The following LEF1 variants were observed in gnomAD, a reference collection of about 807,000 sequenced individuals.
LEF1 encodes the protein lymphoid enhancer binding factor 1.
LEF1 carries 14 observed loss-of-function variants against 51.2 expected under a neutral mutation model. The observed-to-expected ratio is 0.27, with a 90% CI of 0.18 to 0.43. The LOEUF is 0.43. Ranked by LOEUF, LEF1 falls within the 20% of genes least tolerant of loss-of-function variation. The pLI is 1.00. For missense variants in LEF1, 386 were observed against 512.0 expected, an observed-to-expected ratio of 0.75 and a Z score of 2.37; for synonymous variants, 185 against 183.2, an observed-to-expected ratio of 1.01 and a Z score of -0.08.
chr4:108,126,578 G>A (rs915863692), intron 3 of LEF1, among the ~76,000 whole-genome samples: 2 of 151,856 alleles, frequency 1.3e-5, no homozygotes, highest in African/African-American at 4.8e-5. Context: ...CAAGGAGGGC[G>A]AATCACTTGA....
intron 11 of LEF1, among the ~76,000 whole-genome samples, chr4:108,061,884 C>A (rs1737716993): frequency 6.6e-6 from 1 of 152,166 alleles, no homozygotes; most frequent in African/African-American, 2.4e-5. Context: ...AAGCTTGCCA[C>A]TCAGTATTAG....
intron 4 of LEF1, among the ~76,000 whole-genome samples, chr4:108,083,950 A>G (rs1009379519): frequency 6.6e-6 from 1 of 152,222 alleles, no homozygotes; most frequent in Non-Finnish European, 1.5e-5. Flanking sequence ...ATTAGGAATC[A>G]TCTTCAGCCC....
chr4:108,116,906 A>C (rs911737316), intron 3 of LEF1, among the ~76,000 whole-genome samples: 3 of 152,354 alleles, frequency 2.0e-5, no homozygotes, highest in Admixed American at 6.5e-5. Flanking sequence ...GCACTGTGTA[A>C]GTGCCCACAA....
chr4:108,138,034 CTCA>C (rs1743408473), intron 3 of LEF1, among the ~76,000 whole-genome samples: 5 of 152,144 alleles, frequency 3.3e-5, no homozygotes. Flanking sequence ...ATAATTTTCT[CTCA>C]TGATTATGCA....
rs1271796658 is a variant in LEF1, at chr4:108,078,103, A to G, written c.1008+117T>C. ...AAAATTCTTTAAAATGCATCATATCATATCTTGAAGTGCAAACACATTCTA... is the reference window on the plus strand; with the variant it reads ...AAAATTCTTTAAAATGCATCATATCGTATCTTGAAGTGCAAACACATTCTA... On this transcript the variant is annotated intron_variant, in intron 8 of 11. Transcript: ENST00000265165. 1.9e-5 allele frequency: 17 copies of G among 910,882 alleles called. No individual in the cohort carries two copies. The East Asian group carries it at 2.4e-4, about 13-fold the overall frequency. The allele number at this position is 910,882 out of a possible 1,614,324, so 56.4% of individuals were successfully genotyped here.
intron 11 of LEF1, among the ~76,000 whole-genome samples, chr4:108,057,140 A>C (rs971780589): frequency 6.6e-6 from 1 of 152,018 alleles, no homozygotes; most frequent in Non-Finnish European, 1.5e-5. Flanking sequence ...CTTGTTTGGT[A>C]ACAATTCTAG....
intron 3 of LEF1, among the ~76,000 whole-genome samples, chr4:108,113,373 C>T (rs992968543): frequency 6.6e-6 from 1 of 151,942 alleles, no homozygotes; most frequent in Non-Finnish European, 1.5e-5. Context: ...AGCTGTGTTA[C>T]AGGGGAGAAG....
intron 3 of LEF1, among the ~76,000 whole-genome samples, chr4:108,151,947 C>T (rs1744381378): frequency 6.6e-6 from 1 of 152,130 alleles, no homozygotes; most frequent in Non-Finnish European, 1.5e-5. Context: ...GGTGAGTAAC[C>T]TGCTCTGTGG....
At chr4:108,157,800 G>A (rs939442971) in intron 3 of LEF1, among the ~76,000 whole-genome samples, 1 of 152,340 alleles carries the variant, frequency 6.6e-6, no homozygotes, top group East Asian at 1.9e-4. Flanking sequence ...AGTGAGCTTT[G>A]TAAGTGATCT....
At chr4:108,148,184 C>T (rs1744113481) in intron 3 of LEF1, among the ~76,000 whole-genome samples, 2 of 152,022 alleles carry the variant, frequency 1.3e-5, no homozygotes, top group Non-Finnish European at 2.9e-5. Flanking sequence ...TGTTTATAAA[C>T]TTGTTCATTT....
chr4:108,142,327 C>A (rs1743715907), intron 3 of LEF1, among the ~76,000 whole-genome samples: 1 of 152,148 alleles, frequency 6.6e-6, no homozygotes, highest in South Asian at 2.1e-4. Context: ...AGAGGAAGAA[C>A]AGGAAAGTCA....
intron 8 of LEF1, among the ~76,000 whole-genome samples, chr4:108,073,322 T>A (rs561979520): frequency 6.6e-6 from 1 of 152,068 alleles, no homozygotes; most frequent in African/African-American, 2.4e-5. Context: ...GAGGTGGAGG[T>A]TGCAGTGAGC....
Position 108,165,681 on chromosome 4 carries a change from CT to C in LEF1, c.214-519del, listed in dbSNP as rs539095200. 3.5e-4 allele frequency among the ~76,000 whole-genome samples: 54 copies of C among 152,360 alleles called. 1 individual carries two copies. The East Asian group carries it at 9.8e-3, about 28-fold the overall frequency. ...GCCCTGAGCGCAGTTACAGCAGAAG[CT>C]CCACTCGAGCTTATAACCTACTATG... On this transcript the variant is annotated intron_variant, in intron 1 of 11. Coordinates refer to ENST00000265165, the MANE Select transcript of LEF1 (RefSeq NM_016269.5).
chr4:108,110,271 T>A (rs2110312601), intron 3 of LEF1, among the ~76,000 whole-genome samples: 1 of 152,328 alleles, frequency 6.6e-6, no homozygotes, highest in Non-Finnish European at 1.5e-5. Flanking sequence ...TTATAGAGCA[T>A]GTTTTCACTT....
intron 3 of LEF1, among the ~76,000 whole-genome samples, chr4:108,123,445 T>G (rs1265279819): frequency 1.7e-4 from 25 of 148,880 alleles, no homozygotes. Context: ...TTTTTTTTTT[T>G]TTTTTTTTTT....
Position 108,064,316 on chromosome 4 carries a change from G to T in LEF1, c.1165+20C>A. The T allele has an allele frequency of 1.3e-6, 2 of 1,592,676 alleles. No individual in the cohort carries two copies. Among genetic ancestry groups the T allele is most frequent in the Non-Finnish European group, 1.7e-6 (2 of 1,160,712 alleles). ...TTGTCAGAAGCCTGAGGATTGACTG[G>T]AAAGTCTCATGGTGCCTACCTGATG... On this transcript the variant is annotated intron_variant, in intron 10 of 11. Coordinates refer to ENST00000265165, the MANE Select transcript of LEF1 (RefSeq NM_016269.5).
intron 3 of LEF1, among the ~76,000 whole-genome samples, chr4:108,106,318 C>T (rs1426570392): frequency 3.3e-5 from 5 of 152,010 alleles, no homozygotes; most frequent in African/African-American, 1.2e-4. Flanking sequence ...ATGTTAAGAA[C>T]AAAACCAGCC....
chr4:108,163,714 A>G lies in LEF1; in HGVS notation c.281-13T>C. 1 of 1,611,804 alleles carries G rather than the reference A, an allele frequency of 6.2e-7. No homozygotes were observed. Among genetic ancestry groups the G allele is most frequent in the African/African-American group, 1.3e-5 (1 of 74,962 alleles). On this transcript the variant is annotated splice_polypyrimidine_tract_variant and intron_variant, in intron 2 of 11. Coordinates refer to ENST00000265165, the MANE Select transcript of LEF1 (RefSeq NM_016269.5). The stretch of plus-strand genomic sequence containing the variant: ...TCTGGATGCTTTCCTGGGAAGATCC[A>G]AAGAACAATCAATGATGCACTGACT...
chr4:108,067,320 GAGAT>G (rs1738143397), intron 9 of LEF1, among the ~76,000 whole-genome samples: 1 of 152,180 alleles, frequency 6.6e-6, no homozygotes, highest in African/African-American at 2.4e-5. Context: ...GATAGAGAAA[GAGAT>G]AGAATATGTA....
Sources: gnomAD v4.1 joint callset for allele counts (sites outside exome capture counted in the v4.1 genomes callset) on GRCh38, gnomAD v4.1.1 for gene constraint, MANE v1.5 for transcripts, NCBI Gene and HGNC (gene_info 2026-07-23, HGNC 2026-07-21) for gene names.